MTUS2: variants seen among roughly 807,000 people sequenced by gnomAD.
The protein encoded by MTUS2 is microtubule associated scaffold protein 2.
In MTUS2, 40 loss-of-function variants were observed where a neutral mutation model predicts 114.1. That is an observed-to-expected ratio of 0.35 (90% CI 0.27 to 0.46). MTUS2 has a LOEUF of 0.46. MTUS2 is among the 20% of genes least tolerant of loss of function. The pLI is 1.00. For synonymous variants in MTUS2, 688 were observed against 672.0 expected, an observed-to-expected ratio of 1.02 and a Z score of -0.37; for missense variants, 1,679 against 1,705.4, an observed-to-expected ratio of 0.98 and a Z score of 0.27.
chr13:28,843,853 A>G (rs920942801), intron 2 of MTUS2, among the ~76,000 whole-genome samples: 49 of 152,344 alleles, frequency 3.2e-4, no homozygotes, highest in African/African-American at 1.1e-3. Flanking sequence ...CTGGGTAAGC[A>G]TGCCAGTAGG....
intron 5 of MTUS2, among the ~76,000 whole-genome samples, chr13:29,116,219 T>C (rs549174702): frequency 2.0e-5 from 3 of 152,280 alleles, no homozygotes; most frequent in South Asian, 2.1e-4. Flanking sequence ...AAGGGATAAA[T>C]TGAGAATAAC....
At chr13:29,248,283 A>G (rs370419920) in intron 5 of MTUS2, among the ~76,000 whole-genome samples, 2 of 152,234 alleles carry the variant, frequency 1.3e-5, no homozygotes, top group South Asian at 2.1e-4. Flanking sequence ...AAGACTGCAC[A>G]TTGCATGTAG....
At chr13:28,822,989 A>G (rs975939413) in intron 1 of MTUS2, among the ~76,000 whole-genome samples, 1 of 152,238 alleles carries the variant, frequency 6.6e-6, no homozygotes, top group Admixed American at 6.5e-5. Context: ...GATCGCACAC[A>G]CATGGGATTG....
intron 2 of MTUS2, among the ~76,000 whole-genome samples, chr13:28,862,076 T>A (rs1877021667): frequency 6.6e-6 from 1 of 152,214 alleles, no homozygotes; most frequent in East Asian, 1.9e-4. Context: ...CATGTGTGTA[T>A]ACCCCTTGTC....
chr13:29,081,831 G>A (rs1378941642), intron 4 of MTUS2, among the ~76,000 whole-genome samples: 1 of 151,934 alleles, frequency 6.6e-6, no homozygotes, highest in Non-Finnish European at 1.5e-5. Context: ...AACCTTGAAC[G>A]AGAAATTGTT....
At chr13:28,906,695 T>A (rs1460902473) in intron 2 of MTUS2, among the ~76,000 whole-genome samples, 2 of 151,568 alleles carry the variant, frequency 1.3e-5, no homozygotes, top group Non-Finnish European at 2.9e-5. Context: ...AATTTTGGGA[T>A]AGGTGTGGTG....
At chr13:28,843,354 A>G (rs1875640741) in intron 2 of MTUS2, among the ~76,000 whole-genome samples, 1 of 152,172 alleles carries the variant, frequency 6.6e-6, no homozygotes, top group African/African-American at 2.4e-5. Context: ...AGCGGTGTGT[A>G]CATCTTATTT....
intron 5 of MTUS2, among the ~76,000 whole-genome samples, chr13:29,258,889 C>T (rs917183074): frequency 1.3e-5 from 2 of 152,192 alleles, no homozygotes; most frequent in Non-Finnish European, 2.9e-5. Flanking sequence ...GGCCCAAAGC[C>T]ACCACCACTT....
chr13:29,346,532 C>T (rs373901330), intron 7 of MTUS2, among the ~76,000 whole-genome samples: 88 of 144,986 alleles, frequency 6.1e-4, no homozygotes, highest in Non-Finnish European at 9.3e-4. Context: ...CAGCCAGCAA[C>T]GCCAGTCTCA....
chr13:29,174,192 A>G (rs8000236), intron 5 of MTUS2, among the ~76,000 whole-genome samples: 89,513 of 151,930 alleles, frequency 0.59, 26,604 homozygotes, highest in African/African-American at 0.64. Context: ...TAGAAATACA[A>G]TGATATGCCT....
chr13:29,149,494 C>A (rs1289533798), intron 5 of MTUS2, among the ~76,000 whole-genome samples: 5 of 151,852 alleles, frequency 3.3e-5, no homozygotes, highest in Non-Finnish European at 7.4e-5. Context: ...CTCTGATGAT[C>A]TTTTGCTGTG....
chr13:29,411,552 C>T (rs921199867), intron 8 of MTUS2, among the ~76,000 whole-genome samples: 26 of 152,154 alleles, frequency 1.7e-4, no homozygotes, highest in Admixed American at 9.8e-4. Context: ...TATTCTTGCA[C>T]GCATGTTGCT....
At chr13:28,857,356 A>G (rs1032979983) in intron 2 of MTUS2, among the ~76,000 whole-genome samples, 1 of 152,192 alleles carries the variant, frequency 6.6e-6, no homozygotes, top group Admixed American at 6.5e-5. Context: ...TCCTAGAGGG[A>G]TGGAAGATCA....
At chr13:28,959,868 G>A (rs777350824) in intron 2 of MTUS2, among the ~76,000 whole-genome samples, 4 of 152,210 alleles carry the variant, frequency 2.6e-5, no homozygotes, top group Non-Finnish European at 5.9e-5. Context: ...CCACCTGTCA[G>A]TAATGTGATG....
At chr13:29,362,994 G>A (rs1310721447) in intron 8 of MTUS2, among the ~76,000 whole-genome samples, 1 of 152,190 alleles carries the variant, frequency 6.6e-6, no homozygotes, top group East Asian at 1.9e-4. Context: ...CTGGTTGCAG[G>A]CAGCTCTGCC....
intron 5 of MTUS2, among the ~76,000 whole-genome samples, chr13:29,207,718 A>G (rs1895249274): frequency 6.6e-6 from 1 of 152,154 alleles, no homozygotes; most frequent in African/African-American, 2.4e-5. Flanking sequence ...TATGTGGTGT[A>G]TCACATTTAT....
intron 5 of MTUS2, among the ~76,000 whole-genome samples, chr13:29,252,197 C>T (rs562035667): frequency 3.5e-4 from 53 of 152,168 alleles, no homozygotes; most frequent in African/African-American, 1.2e-3. Flanking sequence ...ATAATATAAT[C>T]GTATCTTAAT....
chr13:28,848,698 C>T (rs1297595594), intron 2 of MTUS2, among the ~76,000 whole-genome samples: 1 of 152,010 alleles, frequency 6.6e-6, no homozygotes, highest in Non-Finnish European at 1.5e-5. Flanking sequence ...TTTCTAGCCC[C>T]ACCCTATTCC....
intron 2 of MTUS2, among the ~76,000 whole-genome samples, chr13:28,922,976 T>TA (rs528679313): frequency 1.3e-4 from 20 of 152,360 alleles, no homozygotes; most frequent in African/African-American, 3.8e-4. Flanking sequence ...ACTCCAGCGA[T>TA]ACAAATGTTG....
Sources: allele counts gnomAD v4.1 joint callset (sites outside exome capture counted in the v4.1 genomes callset), GRCh38; gene constraint gnomAD v4.1.1; transcripts MANE v1.5; gene names NCBI Gene and HGNC (gene_info 2026-07-23, HGNC 2026-07-21).